The following CUL5 variants were observed in gnomAD, a reference collection of about 807,000 sequenced individuals.
CUL5 encodes the protein cullin 5.
Under a neutral mutation model 108.8 loss-of-function variants are expected in CUL5, and 26 were observed. The ratio of observed to expected loss-of-function variants is 0.24; its 90% CI spans 0.18 to 0.33. The LOEUF is 0.33. Ranked by LOEUF, CUL5 falls within the 10% of genes least tolerant of loss-of-function variation. The probability of loss-of-function intolerance (pLI) is 1.00; values close to 1 mark genes in which losing one functional copy is unlikely to be tolerated. For synonymous variants in CUL5, 334 were observed against 298.0 expected (o/e 1.12, Z -1.25); for missense variants, 524 against 909.2 (o/e 0.58, Z 5.45).
At position 108,046,326 on chromosome 11, in the gene CUL5, C is replaced by T. The variant is rs1863066100; in HGVS notation, c.191C>T (p.Ala64Val). 6.2e-7 allele frequency: 1 copy of T among 1,612,802 alleles called. No individual in the cohort carries two copies. Among genetic ancestry groups the T allele is most frequent in the Non-Finnish European group, 8.5e-7 (1 of 1,179,348 alleles). ...DDKGPAKIHQ[A>V]LKEDILEFIK... ...AAAGGCCCAGCAAAAATTCATCAGGCTTTAAAAGAAGATATTCTTGAGTTT... is the reference window on the plus strand; with the variant it reads ...AAAGGCCCAGCAAAAATTCATCAGGTTTTAAAAGAAGATATTCTTGAGTTT... The change falls in exon 3 of 19, where the codon GCT becomes GTT. Residue 64 changes from alanine (A) to valine (V), a missense_variant. By Grantham distance (64) the Ala-to-Val change is moderately conservative. This residue lies in a region of CUL5 where 76 missense variants were observed against 90.8 expected (regional missense o/e 0.84). Transcript: ENST00000393094.
chr11:108,093,137 A>G (rs919470882), intron 13 of CUL5, among the ~76,000 whole-genome samples: 5 of 152,236 alleles, frequency 3.3e-5, no homozygotes, highest in East Asian at 1.9e-4. Context: ...AGTAGATTTT[A>G]TGGTAGATAA....
intron 1 of CUL5, among the ~76,000 whole-genome samples, chr11:108,019,660 CTT>C (rs532415087): frequency 8.8e-4 from 134 of 152,210 alleles, no homozygotes; most frequent in South Asian, 4.6e-3. Context: ...TGCTGTCACT[CTT>C]ATAAAAGTCT....
At chr11:108,056,610 C>T (rs977918239) in intron 7 of CUL5, among the ~76,000 whole-genome samples, 6 of 151,952 alleles carry the variant, frequency 3.9e-5, no homozygotes, top group African/African-American at 1.2e-4. Flanking sequence ...TTCAGAAGGC[C>T]GGGAAGGCTG....
Position 108,052,683 on chromosome 11 carries a change from G to A in CUL5, c.435G>A (p.Glu145=), listed in dbSNP as rs2135134941. 1 of 1,611,496 alleles carries A rather than the reference G, an allele frequency of 6.2e-7. No individual in the cohort carries two copies. Among genetic ancestry groups the A allele is most frequent in the Non-Finnish European group, 8.5e-7 (1 of 1,178,586 alleles). ...AGCTTATGCTTGATACATGGAATGAGTCAATCTTTTCAAACATAAAAAACA... is the reference window on the plus strand; with the variant it reads ...AGCTTATGCTTGATACATGGAATGAATCAATCTTTTCAAACATAAAAAACA... ...VRKLMLDTWN[E]SIFSNIKNRL... is the part of the protein sequence containing the mutation. Residue 145 remains glutamate, a synonymous_variant, in exon 5 of 19, where the codon GAG becomes GAA. Transcript: ENST00000393094.
intron 11 of CUL5, among the ~76,000 whole-genome samples, chr11:108,078,815 A>G (rs1207400888): frequency 1.3e-5 from 2 of 152,186 alleles, no homozygotes; most frequent in Non-Finnish European, 2.9e-5. Flanking sequence ...TATTTGAAAA[A>G]TACTGAAAAA....
At chr11:108,088,687 T>C in intron 12 of CUL5, 28 bp downstream of exon 12, 1 of 1,540,150 alleles carries the variant, frequency 6.5e-7, no homozygotes, top group Non-Finnish European at 8.8e-7. Context: ...ATTTCAACTT[T>C]TAAAATTACC....
At chr11:108,064,142 G>C (rs541467830) in intron 7 of CUL5, among the ~76,000 whole-genome samples, 2 of 152,122 alleles carry the variant, frequency 1.3e-5, no homozygotes, top group African/African-American at 4.8e-5. Context: ...TCTCCATTCA[G>C]TATGATACTA....
At position 108,049,191 on chromosome 11, in the gene CUL5, G is replaced by A. The variant is rs1863149303; in HGVS notation, c.235-699G>A. On this transcript the variant is annotated intron_variant, in intron 3 of 18. Coordinates refer to ENST00000393094, the MANE Select transcript of CUL5 (RefSeq NM_003478.6). ...ACTAATCTGTTGTCCCTATGGATAT[G>A]TCTATATTTGACATTTTCTGTAATT... Among the ~76,000 whole-genome samples the A allele has an allele frequency of 2.0e-5, 3 of 152,162 alleles. No individual in the cohort carries two copies. In the South Asian group the frequency reaches 6.2e-4, roughly 32 times the overall value.
intron 14 of CUL5, 111 bp from the exon 15 acceptor site, chr11:108,094,701 T>A (rs1864445944): frequency 2.1e-5 from 20 of 954,424 alleles, no homozygotes; most frequent in Admixed American, 1.2e-4. Flanking sequence ...AAGGACACTT[T>A]TAACAAAATC....
intron 11 of CUL5, among the ~76,000 whole-genome samples, chr11:108,082,731 G>A (rs1208528837): frequency 2.6e-5 from 4 of 151,628 alleles, no homozygotes; most frequent in Non-Finnish European, 5.9e-5. Context: ...TGCAGCCTTC[G>A]CCTCCTGGGC....
At chr11:108,010,503 A>G (rs1037650873) in intron 1 of CUL5, among the ~76,000 whole-genome samples, 1 of 152,240 alleles carries the variant, frequency 6.6e-6, no homozygotes. Flanking sequence ...GAGGGGCCCT[A>G]GAATTAGACT....
At chr11:108,054,185 A>C (rs1863314016) in intron 5 of CUL5, among the ~76,000 whole-genome samples, 1 of 152,174 alleles carries the variant, frequency 6.6e-6, no homozygotes, top group African/African-American at 2.4e-5. Flanking sequence ...TATGTTGCCC[A>C]GGGCATCTTC....
chr11:108,080,382 C>T (rs1490165296), intron 11 of CUL5, among the ~76,000 whole-genome samples: 1 of 152,066 alleles, frequency 6.6e-6, no homozygotes, highest in Admixed American at 6.6e-5. Flanking sequence ...AGCTACCATG[C>T]CCAGGCCTTT....
intron 11 of CUL5, among the ~76,000 whole-genome samples, chr11:108,080,071 C>T (rs952389259): frequency 6.6e-6 from 1 of 150,890 alleles, no homozygotes; most frequent in African/African-American, 2.4e-5. Flanking sequence ...GTTTTAATTC[C>T]CGTCTCCCTC....
intron 4 of CUL5, 111 bp downstream of exon 4, chr11:108,050,177 A>G (rs1477865457): frequency 2.5e-6 from 2 of 786,582 alleles, no homozygotes; most frequent in South Asian, 2.0e-5. Context: ...TCACATGTCA[A>G]TTGCTTTTCA....
At chr11:108,037,695 G>A (rs959261545) in intron 2 of CUL5, among the ~76,000 whole-genome samples, 18 of 152,306 alleles carry the variant, frequency 1.2e-4, no homozygotes, top group Admixed American at 3.3e-4. Context: ...TCTACTGGGG[G>A]CTCGTCATGT....
At chr11:108,048,648 CTTTTTT>C (rs200991204) in intron 3 of CUL5, among the ~76,000 whole-genome samples, 11 of 116,866 alleles carry the variant, frequency 9.4e-5, no homozygotes, top group African/African-American at 1.5e-4. Context: ...ACTCCACCAC[CTTTTTT>C]TTTTTTTTTT....
At chr11:108,078,626 A>C (rs1185494693) in intron 11 of CUL5, among the ~76,000 whole-genome samples, 1 of 152,166 alleles carries the variant, frequency 6.6e-6, no homozygotes, top group Non-Finnish European at 1.5e-5. Context: ...TATAATTGGT[A>C]AGATGAATAT....
intron 8 of CUL5, among the ~76,000 whole-genome samples, chr11:108,071,703 C>T (rs1863827155): frequency 6.6e-6 from 1 of 152,018 alleles, no homozygotes; most frequent in African/African-American, 2.4e-5. Flanking sequence ...TGCACCACCA[C>T]ACCCAGCTAA....
Sources: gnomAD v4.1 joint callset for allele counts (sites outside exome capture counted in the v4.1 genomes callset) on GRCh38, gnomAD v4.1.1 for gene constraint, gnomAD v4.1.1 regional missense constraint, MANE v1.5 for transcripts, NCBI Gene and HGNC (gene_info 2026-07-23, HGNC 2026-07-21) for gene names.